Variants in MRTFB observed in about 807,000 individuals in gnomAD.
MRTFB encodes the protein myocardin related transcription factor B.
In MRTFB, 29 loss-of-function variants were observed where a neutral mutation model predicts 104.2. The ratio of observed to expected loss-of-function variants is 0.28; its 90% CI spans 0.21 to 0.38. The LOEUF (loss-of-function observed/expected upper bound fraction) is 0.38, where lower values mean the gene tolerates loss of function less well. Ranked by LOEUF, MRTFB falls within the 10% of genes least tolerant of loss-of-function variation. The pLI is 1.00. For synonymous variants in MRTFB, 535 were observed against 519.5 expected, an observed-to-expected ratio of 1.03 and a Z score of -0.41; for missense variants, 1,270 against 1,341.6, an observed-to-expected ratio of 0.95 and a Z score of 0.83.
At chr16:13,998,070 CACAGGGAA>C in the MRTFB span, among the ~76,000 whole-genome samples, 1 of 152,176 alleles carries the variant, frequency 6.6e-6, no homozygotes, top group Non-Finnish European at 1.5e-5. Context: ...GCATTCTAGA[CACAGGGAA>C]ACAGGAAGTA....
At chr16:14,003,623 G>GGCCTGCCTGCATGCCTGCCT in the MRTFB span, among the ~76,000 whole-genome samples, 2 of 85,392 alleles carry the variant, frequency 2.3e-5, no homozygotes, top group Non-Finnish European at 5.2e-5. Flanking sequence ...GGGGCCGGCC[G>GGCCTGCCTGCATGCCTGCCT]GCCTGCCTGC....
the MRTFB span, among the ~76,000 whole-genome samples, chr16:14,017,860 G>A: frequency 7.0e-4 from 104 of 149,468 alleles, no homozygotes; most frequent in Admixed American, 2.8e-3. Context: ...TGGGACAATA[G>A]GCATGTGCTA....
At chr16:14,034,761 T>C in the MRTFB span, among the ~76,000 whole-genome samples, 1 of 152,176 alleles carries the variant, frequency 6.6e-6, no homozygotes, top group African/African-American at 2.4e-5. Flanking sequence ...CTTGATTTGA[T>C]CATCTGCAAA....
chr16:14,159,684 C>CT (rs1397548311), intron 3 of MRTFB, among the ~76,000 whole-genome samples: 2 of 151,988 alleles, frequency 1.3e-5, no homozygotes, highest in Non-Finnish European at 2.9e-5. Flanking sequence ...AATCCCAGCA[C>CT]TTTGGGAGGC....
At chr16:14,176,534 A>G (rs751131065) in intron 3 of MRTFB, among the ~76,000 whole-genome samples, 33 of 152,218 alleles carry the variant, frequency 2.2e-4, no homozygotes, top group Non-Finnish European at 2.9e-5. Context: ...GATTCTTAGG[A>G]GAGAAGTGAA....
chr16:14,003,503 C>T, the MRTFB span, among the ~76,000 whole-genome samples: 1 of 152,180 alleles, frequency 6.6e-6, no homozygotes, highest in Non-Finnish European at 1.5e-5. Flanking sequence ...CACAGCAGTG[C>T]AATGGCAGTT....
chr16:14,021,127 A>G, the MRTFB span: 2,350 of 152,328 alleles, frequency 0.015, 40 homozygotes, highest in South Asian at 0.027. Flanking sequence ...CCCGTTTGTT[A>G]TGTCACAGTT....
At chr16:14,242,046 C>T (rs76283825) in intron 10 of MRTFB, among the ~76,000 whole-genome samples, 9,721 of 151,366 alleles carry the variant, frequency 0.064, 973 homozygotes, top group African/African-American at 0.21. Flanking sequence ...ACTTACAATG[C>T]GTTGTGCTTA....
intron 3 of MRTFB, among the ~76,000 whole-genome samples, chr16:14,189,694 T>C (rs1013150602): frequency 6.6e-6 from 1 of 152,200 alleles, no homozygotes; most frequent in Non-Finnish European, 1.5e-5. Flanking sequence ...AATGTCTGAA[T>C]TATAAGTTTC....
intron 4 of MRTFB, 72 bp downstream of exon 4, chr16:14,210,380 T>G (rs750720413): frequency 5.9e-5 from 69 of 1,172,962 alleles, no homozygotes; most frequent in Non-Finnish European, 8.6e-5. Context: ...AGAGCCTGCA[T>G]CTTGCTCTGC....
chr16:14,071,832 A>T (rs1329580574), intron 1 of MRTFB, among the ~76,000 whole-genome samples: 1 of 152,144 alleles, frequency 6.6e-6, no homozygotes, highest in African/African-American at 2.4e-5. Context: ...CACTCCCCTC[A>T]GCCCTTTTCT....
At chr16:14,237,810 G>A (rs1275457124) in intron 9 of MRTFB, among the ~76,000 whole-genome samples, 1 of 152,156 alleles carries the variant, frequency 6.6e-6, no homozygotes, top group Non-Finnish European at 1.5e-5. Context: ...TAGGCAGTGA[G>A]GTCATCAGTT....
Position 14,246,871 on chromosome 16 carries a change from G to A in MRTFB, c.1611G>A (p.Gln537=), listed in dbSNP as rs761118873. The A allele has an allele frequency of 5.6e-6, 9 of 1,613,396 alleles. No individual in the cohort carries two copies. Among genetic ancestry groups the A allele is most frequent in the Non-Finnish European group, 7.6e-6 (9 of 1,180,012 alleles). The change falls in exon 12 of 17, where the codon CAG becomes CAA. Residue 537 remains glutamine (Q), a synonymous_variant. Transcript: ENST00000571589. ...TTATGACCATGATGTCGCCTTCACA[G>A]TTCTTGAGTTCATCTCCTTTGAGAA... ...TEIMTMMSPS[Q]FLSSSPLRMT...
At chr16:14,196,185 A>G (rs773947456) in intron 3 of MRTFB, among the ~76,000 whole-genome samples, 1 of 152,214 alleles carries the variant, frequency 6.6e-6, no homozygotes, top group Non-Finnish European at 1.5e-5. Context: ...GTCTGTTTCC[A>G]TGGCAACAGA....
chr16:14,033,737 T>G, the MRTFB span, among the ~76,000 whole-genome samples: 33 of 148,962 alleles, frequency 2.2e-4, no homozygotes, highest in Non-Finnish European at 4.4e-4. Flanking sequence ...CTTGGGAGTC[T>G]GAGGCAGGAA....
At chr16:14,054,294 G>A in the MRTFB span, among the ~76,000 whole-genome samples, 1 of 152,016 alleles carries the variant, frequency 6.6e-6, no homozygotes, top group Admixed American at 6.6e-5. Flanking sequence ...TCAGCTCACT[G>A]CAACCTCTGC....
At chr16:14,159,782 T>C (rs1250458059) in intron 3 of MRTFB, among the ~76,000 whole-genome samples, 1 of 150,686 alleles carries the variant, frequency 6.6e-6, no homozygotes, top group Non-Finnish European at 1.5e-5. Flanking sequence ...ACAAAAAAAT[T>C]AGCCGGGCGT....
chr16:14,236,271 G>C (rs557316598), intron 9 of MRTFB, among the ~76,000 whole-genome samples: 1 of 152,330 alleles, frequency 6.6e-6, no homozygotes, highest in South Asian at 2.1e-4. Flanking sequence ...GGGATTGAAG[G>C]AATAAGTGGG....
chr16:14,264,620 T>C lies in MRTFB; in HGVS notation c.*3176T>C, dbSNP rs1455810605. 2.0e-5 allele frequency: 3 copies of C among 152,244 alleles called. No homozygotes were observed. The highest frequency in any genetic ancestry group is 4.4e-5 in the Non-Finnish European group (3 of 68,030). 9.4% of individuals were successfully genotyped at this position (152,244 alleles called of 1,614,324 possible). A position where few individuals can be genotyped will look rare whatever the true frequency, so the allele number is the denominator to read the frequency against. ...TTTTGTAATTCTAAAAGAGATCTTATTTAAATTTCCTTTTTAAAAGCCGCA... is the reference window on the plus strand; with the variant it reads ...TTTTGTAATTCTAAAAGAGATCTTACTTAAATTTCCTTTTTAAAAGCCGCA... On this transcript the variant is annotated 3_prime_UTR_variant, in exon 17 of 17. Coordinates refer to ENST00000571589, the MANE Select transcript of MRTFB (RefSeq NM_001308142.2).
Sources: allele counts gnomAD v4.1 joint callset (sites outside exome capture counted in the v4.1 genomes callset), GRCh38; gene constraint gnomAD v4.1.1; transcripts MANE v1.5; gene names NCBI Gene and HGNC (gene_info 2026-07-23, HGNC 2026-07-21).